Variants in ASAH1 observed in about 807,000 individuals in gnomAD.
ASAH1 encodes the protein acid ceramidase.
A neutral mutation model predicts 59.5 loss-of-function variants in ASAH1; 70 were observed. The ratio of observed to expected loss-of-function variants is 1.18; its 90% CI spans 0.97 to 1.43. The LOEUF (loss-of-function observed/expected upper bound fraction) is 1.43, where lower values mean the gene tolerates loss of function less well. Ranked by LOEUF, ASAH1 falls within the 40% of genes most tolerant of loss-of-function variation. ASAH1 has a pLI of 0.00. For missense variants in ASAH1, 660 were observed against 482.5 expected, an observed-to-expected ratio of 1.37 and a Z score of -3.45; for synonymous variants, 213 against 166.5, an observed-to-expected ratio of 1.28 and a Z score of -2.15.
chr8:18,066,844 C>G (rs1799948177), intron 5 of ASAH1: 1 of 265,982 alleles, frequency 3.8e-6, no homozygotes, highest in African/African-American at 2.1e-5. Context: ...TACAATAGCA[C>G]ACCACCCATA....
intron 10 of ASAH1, 117 bp from the exon 11 acceptor site, chr8:18,059,820 T>G: frequency 9.4e-7 from 1 of 1,065,430 alleles, no homozygotes. Flanking sequence ...CGTGCAGGTT[T>G]GTTACATAGG....
At position 18,075,565 on chromosome 8, in the gene ASAH1, G is replaced by T. The variant is rs773354486; in HGVS notation, c.101C>A (p.Ser34Ter). Reference protein sequence around the residue: ...APPWTEDCRKSTYPPSGPTYR... With the variant: ...APPWTEDCRK ...CGTTGGTCCTGAAGGAGGATAGGTTGATTTTCTGCAGTCCTCTGTCCACTG... is the reference window on the plus strand; with the variant it reads ...CGTTGGTCCTGAAGGAGGATAGGTTTATTTTCTGCAGTCCTCTGTCCACTG... The change falls in exon 2 of 14, where the codon TCA becomes TAA. Residue 34 changes from serine to a stop codon, truncating the protein, a stop_gained. Coordinates refer to ENST00000637790, the MANE Select transcript of ASAH1 (RefSeq NM_177924.5). LOFTEE classifies it high-confidence loss of function. 2.5e-6 allele frequency: 4 copies of T among 1,614,148 alleles called. No individual in the cohort carries two copies. The highest frequency in any genetic ancestry group is 4.5e-5 in the East Asian group (2 of 44,864).
At chr8:18,069,963 G>T (rs1216814941) in intron 3 of ASAH1, 85 bp from the exon 4 acceptor site, 36 of 897,522 alleles carry the variant, frequency 4.0e-5, no homozygotes, top group Non-Finnish European at 6.1e-5. Context: ...GTAGCTAAAA[G>T]AGAGTGCTAT....
chr8:18,070,548 T>C (rs1239199380), intron 3 of ASAH1, among the ~76,000 whole-genome samples: 2 of 152,146 alleles, frequency 1.3e-5, no homozygotes, highest in African/African-American at 4.8e-5. Flanking sequence ...CCTCCCAAAG[T>C]ACTGGGATTG....
upstream of ASAH1, chr8:18,084,621 G>A (rs1322461523): frequency 1.2e-6 from 2 of 1,608,608 alleles, no homozygotes; most frequent in Non-Finnish European, 1.7e-6. Context: ...TTGAGTGGCC[G>A]AGGAGTGAGA....
At chr8:18,079,563 C>T (rs749785302) in intron 1 of ASAH1, among the ~76,000 whole-genome samples, 1 of 152,184 alleles carries the variant, frequency 6.6e-6, no homozygotes, top group Non-Finnish European at 1.5e-5. Context: ...AGGAGACCCT[C>T]AATGAAATAA....
At position 18,064,502 on chromosome 8, in the gene ASAH1, CAT is replaced by C. The variant is rs1281024431; in HGVS notation, c.410_411del (p.Tyr137Ter). 3.8e-6 allele frequency: 6 copies of C among 1,571,074 alleles called. No homozygotes were observed. The highest frequency in any genetic ancestry group is 4.4e-6 in the Non-Finnish European group (5 of 1,144,578). Reference sequence around the variant, plus strand: ...ATTGAAGTACAAATGGTAAATAATTCATAAAAAATATTGAATGAAATAATCTC... The same window carrying C: ...ATTGAAGTACAAATGGTAAATAATTCAAAAAATATTGAATGAAATAATCTC... ...LGEIISFNIF[Y>X]ELFTICTSIV... is the part of the protein sequence containing the mutation. On this transcript the variant is annotated frameshift_variant, in exon 6 of 14. Coordinates refer to ENST00000637790, the MANE Select transcript of ASAH1 (RefSeq NM_177924.5). LOFTEE classifies it high-confidence loss of function.
At chr8:18,079,440 T>TA (rs1210191363) in intron 1 of ASAH1, among the ~76,000 whole-genome samples, 28 of 139,278 alleles carry the variant, frequency 2.0e-4, no homozygotes, top group South Asian at 1.4e-3. Context: ...CACAACATTC[T>TA]AAAAAAAACA....
At chr8:18,081,869 T>A (rs957664438) in intron 1 of ASAH1, among the ~76,000 whole-genome samples, 1 of 152,268 alleles carries the variant, frequency 6.6e-6, no homozygotes, top group South Asian at 2.1e-4. Flanking sequence ...GTTCTAAAGG[T>A]CCTTCAGTGC....
chr8:18,057,899 T>A (rs1392940294), intron 13 of ASAH1: 2 of 174,952 alleles, frequency 1.1e-5, no homozygotes, highest in Non-Finnish European at 2.3e-5. Flanking sequence ...CAGGAAAGAA[T>A]CTCCAGCTCC....
intron 1 of ASAH1, among the ~76,000 whole-genome samples, chr8:18,076,892 T>C (rs148577987): frequency 1.7e-3 from 266 of 152,380 alleles, no homozygotes; most frequent in Non-Finnish European, 2.8e-3. Context: ...AGCTGTCAAA[T>C]TTGCCTTACC....
rs781294134 is a variant in ASAH1 at position 18,075,560 on chromosome 8, A to G, written c.106T>C (p.Tyr36His). Residue 36 changes from tyrosine to histidine, a missense_variant, in exon 2 of 14, where the codon TAT becomes CAT. Physicochemically the swap from Tyr to His is moderately conservative, Grantham distance 83 (BLOSUM62 2). Coordinates refer to ENST00000637790, the MANE Select transcript of ASAH1 (RefSeq NM_177924.5). Reference protein sequence around the residue: ...PWTEDCRKSTYPPSGPTYRGA... With the variant: ...PWTEDCRKSTHPPSGPTYRGA... ...ACTCACGTTGGTCCTGAAGGAGGATAGGTTGATTTTCTGCAGTCCTCTGTC... is the reference window on the plus strand; with the variant it reads ...ACTCACGTTGGTCCTGAAGGAGGATGGGTTGATTTTCTGCAGTCCTCTGTC... 1 of 1,614,188 alleles carries G rather than the reference A, an allele frequency of 6.2e-7. No homozygotes were observed. Among genetic ancestry groups the G allele is most frequent in the Non-Finnish European group, 8.5e-7 (1 of 1,180,014 alleles).
intron 2 of ASAH1, 100 bp downstream of exon 2, chr8:18,075,441 T>C: frequency 8.0e-7 from 1 of 1,254,012 alleles, no homozygotes; most frequent in South Asian, 1.2e-5. Flanking sequence ...AAACATGACT[T>C]AAGATTTTAT....
At chr8:18,066,040 A>G (rs1799916188) in intron 5 of ASAH1, 1 of 152,136 alleles carries the variant, frequency 6.6e-6, no homozygotes, top group Admixed American at 6.5e-5. Context: ...AGCTTGACCC[A>G]TAAGTCATAG....
At chr8:18,066,972 A>C in intron 5 of ASAH1, 1 of 412,688 alleles carries the variant, frequency 2.4e-6, no homozygotes, top group Non-Finnish European at 4.3e-6. Context: ...TGGAGGAGGC[A>C]GTATTTTCTG....
At chr8:18,084,170 A>T (rs984444879), upstream of ASAH1, 27 of 1,550,826 alleles carry the variant, frequency 1.7e-5, no homozygotes, top group Non-Finnish European at 2.3e-5. Flanking sequence ...CTGGGACCGC[A>T]CCATTCCAGG....
chr8:18,063,401 T>C, intron 6 of ASAH1, 171 bp from the exon 7 acceptor site: 1 of 656,794 alleles, frequency 1.5e-6, no homozygotes, highest in Non-Finnish European at 2.7e-6. Flanking sequence ...CCTCCCAGGT[T>C]CAAGCAATTC....
At chr8:18,081,146 T>G (rs536592851) in intron 1 of ASAH1, among the ~76,000 whole-genome samples, 10 of 152,194 alleles carry the variant, frequency 6.6e-5, no homozygotes, top group Admixed American at 4.6e-4. Flanking sequence ...CCCCTCCCCA[T>G]GTTTCCTGGA....
chr8:18,061,338 A>T (rs1442320935), intron 10 of ASAH1, 39 bp downstream of exon 10: 41 of 1,494,114 alleles, frequency 2.7e-5, no homozygotes, highest in Non-Finnish European at 3.7e-5. Context: ...TGAGTAATTT[A>T]AAATAAATAT....
Sources: allele counts gnomAD v4.1 joint callset (sites outside exome capture counted in the v4.1 genomes callset), GRCh38; gene constraint gnomAD v4.1.1; transcripts MANE v1.5; gene names NCBI Gene and HGNC (gene_info 2026-07-23, HGNC 2026-07-21).